The following FAM227B variants were observed in gnomAD, a reference collection of about 807,000 sequenced individuals.
FAM227B encodes protein FAM227B.
FAM227B carries 88 observed loss-of-function variants against 73.8 expected under a neutral mutation model. The ratio of observed to expected loss-of-function variants is 1.19; its 90% CI spans 1.00 to 1.42. The LOEUF (loss-of-function observed/expected upper bound fraction) is 1.42, where lower values mean the gene tolerates loss of function less well. Ranked by LOEUF, FAM227B falls within the 40% of genes most tolerant of loss-of-function variation. The pLI, the probability that FAM227B is intolerant of heterozygous loss-of-function variation, is 0.00. For synonymous variants in FAM227B, 210 were observed against 190.5 expected (o/e 1.10, Z -0.84); for missense variants, 632 against 590.9 (o/e 1.07, Z -0.72).
intron 10 of FAM227B, among the ~76,000 whole-genome samples, chr15:49,539,228 T>A (rs774828938): frequency 9.8e-5 from 15 of 152,308 alleles, no homozygotes; most frequent in African/African-American, 3.4e-4. Context: ...AATTGCAGCA[T>A]CCTCAGTCGC....
intron 3 of FAM227B, among the ~76,000 whole-genome samples, chr15:49,604,793 C>T (rs982999984): frequency 6.6e-6 from 1 of 151,494 alleles, no homozygotes; most frequent in African/African-American, 2.4e-5. Context: ...TTTTGAGTAC[C>T]CCTATTCTTT....
chr15:49,511,923 A>T (rs1394162606), intron 10 of FAM227B, among the ~76,000 whole-genome samples: 2 of 152,164 alleles, frequency 1.3e-5, no homozygotes, highest in Non-Finnish European at 2.9e-5. Flanking sequence ...ACACATGTAC[A>T]TGTCTTTGTA....
At chr15:49,393,185 C>A (rs902713935) in intron 11 of FAM227B, among the ~76,000 whole-genome samples, 1 of 152,122 alleles carries the variant, frequency 6.6e-6, no homozygotes, top group African/African-American at 2.4e-5. Flanking sequence ...ATTTGAAATG[C>A]AGGTTTCTTT....
At chr15:49,499,516 C>CG (rs1309895325) in intron 11 of FAM227B, among the ~76,000 whole-genome samples, 1 of 151,986 alleles carries the variant, frequency 6.6e-6, no homozygotes, top group Non-Finnish European at 1.5e-5. Context: ...TAAAGATGCC[C>CG]GAGTATATAT....
chr15:49,336,041 CTAGCA>C (rs2039653336), intron 13 of FAM227B, among the ~76,000 whole-genome samples: 1 of 152,100 alleles, frequency 6.6e-6, no homozygotes, highest in Non-Finnish European at 1.5e-5. Context: ...CTCCTGGGCT[CTAGCA>C]ATCCTCCTGC....
intron 9 of FAM227B, among the ~76,000 whole-genome samples, chr15:49,558,681 C>T (rs1482896010): frequency 2.0e-5 from 3 of 152,126 alleles, no homozygotes; most frequent in Non-Finnish European, 1.5e-5. Flanking sequence ...GGGACCAACC[C>T]GCCACTCTTC....
chr15:49,340,327 C>T (rs1469549446), intron 13 of FAM227B, among the ~76,000 whole-genome samples: 2 of 151,998 alleles, frequency 1.3e-5, no homozygotes, highest in African/African-American at 4.8e-5. Flanking sequence ...GTACACGGTA[C>T]AGTCCCTAAT....
At chr15:49,525,102 G>A (rs887103506) in intron 10 of FAM227B, among the ~76,000 whole-genome samples, 8 of 152,120 alleles carry the variant, frequency 5.3e-5, no homozygotes, top group African/African-American at 1.9e-4. Context: ...TGAAATGTGA[G>A]GACATGAGAT....
intron 9 of FAM227B, among the ~76,000 whole-genome samples, chr15:49,551,640 C>T (rs897038728): frequency 6.6e-6 from 1 of 152,028 alleles, no homozygotes; most frequent in African/African-American, 2.4e-5. Flanking sequence ...TTGTTATTTG[C>T]TTTCTTGTTC....
chr15:49,335,482 G>A lies in FAM227B; in HGVS notation c.1286C>T (p.Thr429Ile), dbSNP rs1001343679. ...TGCCTCCTTTATAACATCACGGTAT[G>A]TTGGAGCAGGTAGTGTGCTAGGCTT... ...KIFQEPLPAP[T>I]YRDVIKEAKR... Residue 429 changes from threonine to isoleucine, a missense_variant, in exon 14 of 16, where the codon ACA becomes ATA. Transcript: ENST00000299338. The A allele has an allele frequency of 6.2e-7, 1 of 1,613,114 alleles. No individual in the cohort carries two copies. The highest frequency in any genetic ancestry group is 8.5e-7 in the Non-Finnish European group (1 of 1,179,258).
intron 10 of FAM227B, among the ~76,000 whole-genome samples, chr15:49,535,668 G>C (rs988388012): frequency 2.0e-5 from 3 of 151,642 alleles, no homozygotes; most frequent in Admixed American, 2.0e-4. Context: ...TCCTTAATAA[G>C]ATATTAGCAA....
At chr15:49,532,070 C>T (rs980903599) in intron 10 of FAM227B, among the ~76,000 whole-genome samples, 22 of 148,648 alleles carry the variant, frequency 1.5e-4, no homozygotes, top group Admixed American at 1.4e-3. Context: ...ATAAAATATA[C>T]ATAATATTAT....
chr15:49,387,314 C>T (rs1046319838), intron 11 of FAM227B, among the ~76,000 whole-genome samples: 9 of 151,780 alleles, frequency 5.9e-5, no homozygotes, highest in Non-Finnish European at 7.4e-5. Flanking sequence ...TGGGTTTCAT[C>T]CCAGGGATGC....
chr15:49,339,361 T>C (rs2040313655), intron 13 of FAM227B, among the ~76,000 whole-genome samples: 1 of 152,222 alleles, frequency 6.6e-6, no homozygotes, highest in Admixed American at 6.5e-5. Context: ...CCTTTCTGTT[T>C]GTTAGTTTTC....
At chr15:49,397,826 C>T (rs1167864354) in intron 11 of FAM227B, among the ~76,000 whole-genome samples, 2 of 152,088 alleles carry the variant, frequency 1.3e-5, no homozygotes, top group Admixed American at 1.3e-4. Flanking sequence ...CAGGCCTGCC[C>T]TAAAAGAGCT....
At position 49,370,661 on chromosome 15, in the gene FAM227B, A is replaced by G. The variant is rs1041979026; in HGVS notation, c.1110+641T>C. Among the ~76,000 whole-genome samples the G allele has an allele frequency of 1.5e-4, 23 of 152,330 alleles. 1 individual carries two copies. The highest frequency in any genetic ancestry group is 3.4e-3 in the Middle Eastern group (1 of 294). Reference sequence around the variant, plus strand: ...TAAATAAATTATCTTATCAGACTGGATAAGATGATGTAGACAAAATTTTAA... The same window carrying G: ...TAAATAAATTATCTTATCAGACTGGGTAAGATGATGTAGACAAAATTTTAA... On this transcript the variant is annotated intron_variant, in intron 12 of 15. Transcript: ENST00000299338.
chr15:49,338,338 T>C (rs2040124365), intron 13 of FAM227B, among the ~76,000 whole-genome samples: 1 of 152,246 alleles, frequency 6.6e-6, no homozygotes, highest in South Asian at 2.1e-4. Context: ...ACAAAATCTC[T>C]CAGCATTTCC....
chr15:49,574,023 ACTTT>A (rs1267441407), intron 8 of FAM227B, among the ~76,000 whole-genome samples: 1 of 152,120 alleles, frequency 6.6e-6, no homozygotes, highest in Non-Finnish European at 1.5e-5. Context: ...TTATAAAATT[ACTTT>A]CTTTATCCCT....
At chr15:49,442,447 T>G (rs549382680) in intron 11 of FAM227B, among the ~76,000 whole-genome samples, 7 of 151,790 alleles carry the variant, frequency 4.6e-5, no homozygotes, top group African/African-American at 1.2e-4. Context: ...CATAAGGCAT[T>G]ACTGTTATGA....
Sources: gnomAD v4.1 joint callset for allele counts (sites outside exome capture counted in the v4.1 genomes callset) on GRCh38, gnomAD v4.1.1 for gene constraint, MANE v1.5 for transcripts, NCBI Gene and HGNC (gene_info 2026-07-23, HGNC 2026-07-21) for gene names.